TUSC3: variants seen among roughly 807,000 people sequenced by gnomAD.
TUSC3 encodes the protein dolichyl-diphosphooligosaccharide--protein glycosyltransferase subunit TUSC3.
TUSC3 carries 45 observed loss-of-function variants against 44.8 expected under a neutral mutation model. The observed-to-expected ratio is 1.00, with a 90% CI of 0.79 to 1.29. The LOEUF (loss-of-function observed/expected upper bound fraction) is 1.29. Among genes scored for constraint, TUSC3 ranks in the 50% most tolerant of loss-of-function variants. TUSC3 has a pLI of 0.00. For missense variants in TUSC3, 519 were observed against 437.9 expected, an observed-to-expected ratio of 1.19 and a Z score of -1.65; for synonymous variants, 212 against 152.9, an observed-to-expected ratio of 1.39 and a Z score of -2.85.
the TUSC3 span, among the ~76,000 whole-genome samples, chr8:15,831,055 A>C: frequency 6.6e-6 from 1 of 152,302 alleles, no homozygotes; most frequent in South Asian, 2.1e-4. Context: ...CAGTGTGGAA[A>C]CCAGCAGTCC....
At chr8:15,663,243 A>G (rs1297967824) in intron 5 of TUSC3, among the ~76,000 whole-genome samples, 1 of 151,890 alleles carries the variant, frequency 6.6e-6, no homozygotes. Context: ...ACATATACAT[A>G]TATCTAGATA....
intron 10 of TUSC3, among the ~76,000 whole-genome samples, chr8:15,762,071 A>G (rs1363841731): frequency 6.6e-6 from 1 of 151,848 alleles, no homozygotes; most frequent in East Asian, 1.9e-4. Context: ...TATTTATATA[A>G]TGAAAATAAA....
chr8:15,492,494 T>G (rs1422550587), intron 2 of TUSC3, among the ~76,000 whole-genome samples: 1 of 152,192 alleles, frequency 6.6e-6, no homozygotes, highest in Non-Finnish European at 1.5e-5. Context: ...ACATGAAATA[T>G]TCTGACTTTA....
At chr8:15,489,965 G>C (rs964571143) in intron 2 of TUSC3, among the ~76,000 whole-genome samples, 1 of 152,150 alleles carries the variant, frequency 6.6e-6, no homozygotes, top group Non-Finnish European at 1.5e-5. Context: ...TTGTAATTCT[G>C]TTGGTGCTGA....
chr8:15,561,874 G>T (rs1802485515), intron 1 of TUSC3, among the ~76,000 whole-genome samples: 1 of 152,106 alleles, frequency 6.6e-6, no homozygotes, highest in Non-Finnish European at 1.5e-5. Context: ...GGCGCACGGT[G>T]TGCGCACCCA....
the TUSC3 span, among the ~76,000 whole-genome samples, chr8:15,799,417 G>T: frequency 6.6e-6 from 1 of 152,176 alleles, no homozygotes; most frequent in Non-Finnish European, 1.5e-5. Flanking sequence ...AGTACAAGTT[G>T]CTATAATTCA....
At chr8:15,652,364 C>G (rs1053053354) in intron 3 of TUSC3, among the ~76,000 whole-genome samples, 1 of 152,122 alleles carries the variant, frequency 6.6e-6, no homozygotes, top group Non-Finnish European at 1.5e-5. Context: ...AATAAATTCT[C>G]TCTTTTTGCC....
At chr8:15,842,879 G>A in the TUSC3 span, among the ~76,000 whole-genome samples, 1 of 152,140 alleles carries the variant, frequency 6.6e-6, no homozygotes, top group South Asian at 2.1e-4. Context: ...TATCCTTTCA[G>A]CCATGTTGCC....
At chr8:15,617,199 G>A (rs1805033064) in intron 1 of TUSC3, among the ~76,000 whole-genome samples, 1 of 146,846 alleles carries the variant, frequency 6.8e-6, no homozygotes, top group Admixed American at 7.0e-5. Context: ...CAGTGCAGTG[G>A]TGTGATCTCC....
chr8:15,424,500 G>A (rs1049015177), intron 1 of TUSC3, among the ~76,000 whole-genome samples: 3 of 152,106 alleles, frequency 2.0e-5, no homozygotes, highest in Non-Finnish European at 4.4e-5. Flanking sequence ...TGAGATTAAC[G>A]TTTCTGGGCA....
intron 2 of TUSC3, among the ~76,000 whole-genome samples, chr8:15,498,058 G>T (rs1410885779): frequency 1.3e-5 from 2 of 152,046 alleles, no homozygotes; most frequent in Non-Finnish European, 2.9e-5. Flanking sequence ...CTCTGTTTTT[G>T]TTTTTTAAGA....
At chr8:15,450,642 TCTGGGAGACAG>T (rs1800185782) in intron 1 of TUSC3, among the ~76,000 whole-genome samples, 5 of 152,040 alleles carry the variant, frequency 3.3e-5, no homozygotes, top group Non-Finnish European at 7.4e-5. Context: ...TGCATTCCAG[TCTGGGAGACAG>T]AGTGAGACTC....
At chr8:15,521,273 A>G (rs980447250) in intron 2 of TUSC3, among the ~76,000 whole-genome samples, 4 of 152,134 alleles carry the variant, frequency 2.6e-5, no homozygotes, top group Non-Finnish European at 5.9e-5. Context: ...TCGGCTGGGT[A>G]GCATGGCCTT....
intron 6 of TUSC3, among the ~76,000 whole-genome samples, chr8:15,725,138 A>G (rs760781707): frequency 6.6e-6 from 1 of 152,162 alleles, no homozygotes; most frequent in Non-Finnish European, 1.5e-5. Context: ...TGATGGAAGC[A>G]TTTTTAATTT....
intron 6 of TUSC3, among the ~76,000 whole-genome samples, chr8:15,708,833 G>A (rs942657113): frequency 2.6e-5 from 4 of 151,888 alleles, no homozygotes; most frequent in Non-Finnish European, 4.4e-5. Flanking sequence ...CCAAATCCGT[G>A]TGTAAACTTG....
chr8:15,686,192 A>G (rs1416065852), intron 6 of TUSC3, among the ~76,000 whole-genome samples: 1 of 152,212 alleles, frequency 6.6e-6, no homozygotes, highest in East Asian at 1.9e-4. Context: ...ATATGGTTAC[A>G]TAGGACATAA....
the TUSC3 span, among the ~76,000 whole-genome samples, chr8:15,816,105 C>G: frequency 6.6e-6 from 1 of 152,176 alleles, no homozygotes; most frequent in Non-Finnish European, 1.5e-5. Context: ...GGATGACCCT[C>G]TTTCCCCAGT....
chr8:15,433,999 A>G (rs1799913087), intron 1 of TUSC3, among the ~76,000 whole-genome samples: 1 of 152,174 alleles, frequency 6.6e-6, no homozygotes, highest in South Asian at 2.1e-4. Context: ...ACTGTGTCAT[A>G]TACTAAGTAT....
intron 1 of TUSC3, among the ~76,000 whole-genome samples, chr8:15,600,629 C>G (rs1437659949): frequency 6.6e-6 from 1 of 151,520 alleles, no homozygotes; most frequent in East Asian, 1.9e-4. Context: ...TAAACATACA[C>G]GAACATTTGA....
Sources: gnomAD v4.1 joint callset for allele counts (sites outside exome capture counted in the v4.1 genomes callset) on GRCh38, gnomAD v4.1.1 for gene constraint, MANE v1.5 for transcripts, NCBI Gene and HGNC (gene_info 2026-07-23, HGNC 2026-07-21) for gene names.